HADHB: variants seen among roughly 807,000 people sequenced by gnomAD.
The protein encoded by HADHB is hydroxyacyl-CoA dehydrogenase trifunctional multienzyme complex subunit beta, also known as trifunctional enzyme subunit beta, mitochondrial.
Under a neutral mutation model 61.9 loss-of-function variants are expected in HADHB, and 50 were observed. That is an observed-to-expected ratio of 0.81 (90% confidence interval 0.64 to 1.02). The LOEUF is 1.02. Among genes scored for constraint, HADHB ranks in the 50% least tolerant of loss-of-function variants. The pLI, the probability that HADHB is intolerant of heterozygous loss-of-function variation, is 0.00. For synonymous variants in HADHB, 191 were observed against 201.6 expected (o/e 0.95, Z 0.45); for missense variants, 504 against 586.5 (o/e 0.86, Z 1.45).
At chr2:26,289,855 G>C in intron 15 of HADHB, 63 bp from the exon 16 acceptor site, 1 of 1,080,264 alleles carries the variant, frequency 9.3e-7, no homozygotes, top group Non-Finnish European at 1.4e-6. Flanking sequence ...GTTCTCTGCT[G>C]TCCCTGTACT....
In HADHB at chr2:26,279,182, T is replaced by A. The variant is rs914466175; in HGVS notation, c.678T>A (p.Ser226=). 9 of 1,613,734 alleles carry A rather than the reference T, an allele frequency of 5.6e-6. No individual in the cohort carries two copies. Among genetic ancestry groups the A allele is most frequent in the Non-Finnish European group, 7.6e-6 (9 of 1,179,728 alleles). The change falls in exon 9 of 16, where the codon TCT becomes TCA. Residue 226 remains serine, a synonymous_variant. Transcript: ENST00000317799. ...EFSTSETMGH[S]ADRLAAAFAV... is the part of the protein sequence containing the mutation. ...CCACCAGTGAGACCATGGGCCACTC[T>A]GCAGACCGACTGGCCGCTGCCTTTG... is the stretch of plus-strand genomic sequence containing the variant.
At chr2:26,288,595 G>A (rs757739326) in intron 15 of HADHB, among the ~76,000 whole-genome samples, 4 of 151,736 alleles carry the variant, frequency 2.6e-5, no homozygotes, top group Non-Finnish European at 5.9e-5. Flanking sequence ...TGTAGTCCCA[G>A]CTACTCGGGA....
chr2:26,249,883 T>C (rs1370287058), intron 1 of HADHB, among the ~76,000 whole-genome samples: 3 of 152,122 alleles, frequency 2.0e-5, no homozygotes. Context: ...TTATTCTGAT[T>C]GGTTTAAACC....
chr2:26,270,671 T>C (rs901311297), intron 5 of HADHB, among the ~76,000 whole-genome samples: 1 of 152,154 alleles, frequency 6.6e-6, no homozygotes, highest in South Asian at 2.1e-4. Flanking sequence ...CCATTTTCCC[T>C]TTGTTTTACA....
intron 15 of HADHB, among the ~76,000 whole-genome samples, chr2:26,286,290 C>A (rs952352250): frequency 6.6e-6 from 1 of 152,104 alleles, no homozygotes; most frequent in Non-Finnish European, 1.5e-5. Flanking sequence ...TATAAAATCT[C>A]TCCAAGAGAG....
chr2:26,284,639 A>T (rs1396242077), intron 13 of HADHB, among the ~76,000 whole-genome samples: 3 of 151,588 alleles, frequency 2.0e-5, no homozygotes, highest in Non-Finnish European at 4.4e-5. Flanking sequence ...AATTTTTTTT[A>T]TATTTTTAAT....
chr2:26,252,632 A>G (rs1053709474), intron 1 of HADHB, among the ~76,000 whole-genome samples: 3 of 152,232 alleles, frequency 2.0e-5, no homozygotes, highest in Admixed American at 1.3e-4. Context: ...ACTTAATGAT[A>G]CAGCTTAAAA....
At chr2:26,245,039 G>C (rs1671067040) in intron 1 of HADHB, 49 bp downstream of exon 1, 1 of 219,798 alleles carries the variant, frequency 4.5e-6, no homozygotes. Context: ...CCAAAGGCGA[G>C]ATTCCACTTC....
At position 26,280,046 on chromosome 2, in the gene HADHB, G is replaced by T; in HGVS notation, c.864G>T (p.Gln288His). The T allele has an allele frequency of 3.1e-6, 5 of 1,610,820 alleles. No homozygotes were observed. Among genetic ancestry groups the T allele is most frequent in the Non-Finnish European group, 4.2e-6 (5 of 1,177,714 alleles). ...GCATCCGTCCTTCCTCACTGGAGCA[G>T]ATGGCCAAACTAAAACCTGCATTCA... ...DNGIRPSSLE[Q>H]MAKLKPAFIK... Residue 288 changes from glutamine to histidine, a missense_variant, in exon 10 of 16, where the codon CAG becomes CAT. Gln to His is a conservative substitution (Grantham distance 24). Transcript: ENST00000317799.
chr2:26,269,251 GA>G (rs925565283), intron 4 of HADHB, among the ~76,000 whole-genome samples: 1 of 152,064 alleles, frequency 6.6e-6, no homozygotes, highest in Admixed American at 6.6e-5. Flanking sequence ...GCCCAGACTG[GA>G]GTGCAGTGGT....
At chr2:26,284,338 C>A in intron 13 of HADHB, 134 bp downstream of exon 13, 1 of 742,852 alleles carries the variant, frequency 1.3e-6, no homozygotes. Flanking sequence ...AGTACTGATT[C>A]ACACTGCTGG....
chr2:26,252,777 A>T (rs1671452475), intron 1 of HADHB, among the ~76,000 whole-genome samples: 1 of 152,242 alleles, frequency 6.6e-6, no homozygotes. Flanking sequence ...TACAGTAACA[A>T]TATGGATTAT....
chr2:26,246,579 G>C (rs1037166478), intron 1 of HADHB, among the ~76,000 whole-genome samples: 5 of 152,052 alleles, frequency 3.3e-5, no homozygotes, highest in Non-Finnish European at 7.4e-5. Context: ...GACCTTAGGT[G>C]ATTCGCCCAC....
At chr2:26,257,483 T>A (rs1048303744) in intron 3 of HADHB, among the ~76,000 whole-genome samples, 16 of 152,114 alleles carry the variant, frequency 1.1e-4, no homozygotes, top group African/African-American at 3.6e-4. Flanking sequence ...ATATCCATTG[T>A]CTTCTTCCCA....
intron 15 of HADHB, 32 bp from the exon 16 acceptor site, chr2:26,289,886 A>G (rs368153006): frequency 6.6e-7 from 1 of 1,517,582 alleles, no homozygotes; most frequent in Non-Finnish European, 9.2e-7. Context: ...ATCACCATTC[A>G]TTGCTCTAAT....
intron 10 of HADHB, 100 bp downstream of exon 10, chr2:26,280,215 G>A (rs1672729443): frequency 1.1e-6 from 1 of 932,924 alleles, no homozygotes; most frequent in Non-Finnish European, 1.7e-6. Flanking sequence ...ATGAATAGAG[G>A]GTTAAAAATA....
At position 26,285,739 on chromosome 2, in the gene HADHB, G is replaced by GTTTTTTTTTTTTTTGTTTTT. The variant is rs1553323308; in HGVS notation, c.1389+182_1389+183insGTTTTTTTTTTTTTTTTTTT. On this transcript the variant is annotated intron_variant, in intron 15 of 15. Transcript: ENST00000317799. ...TCTGATAAAACTTTTTGTTTTTTGG[G>GTTTTTTTTTTTTTTGTTTTT]TTTTTTTTTTTTTTTTTTGAGACAG... is the stretch of plus-strand genomic sequence containing the variant. 1.7e-4 allele frequency among the ~76,000 whole-genome samples: 11 copies of GTTTTTTTTTTTTTTGTTTTT among 65,082 alleles called. 1 individual carries two copies. The highest frequency in any genetic ancestry group is 2.9e-4 in the Non-Finnish European group (10 of 34,936). 42.7% of individuals were successfully genotyped at this position (65,082 alleles called of 152,430 possible).
chr2:26,256,832 G>C (rs1352591153), intron 3 of HADHB, among the ~76,000 whole-genome samples: 2 of 152,142 alleles, frequency 1.3e-5, no homozygotes, highest in African/African-American at 4.8e-5. Flanking sequence ...AAATGGAGCT[G>C]TATTGTCTTG....
chr2:26,279,394 TC>T, intron 9 of HADHB, 79 bp downstream of exon 9: 1 of 1,006,076 alleles, frequency 9.9e-7, no homozygotes, highest in Non-Finnish European at 1.6e-6. Flanking sequence ...GAGTGATTTT[TC>T]CATAAGTATG....
Sources: gnomAD v4.1 joint callset for allele counts (sites outside exome capture counted in the v4.1 genomes callset) on GRCh38, gnomAD v4.1.1 for gene constraint, MANE v1.5 for transcripts, NCBI Gene and HGNC (gene_info 2026-07-23, HGNC 2026-07-21) for gene names.